The following RAF1 variants were observed in gnomAD, a reference collection of about 807,000 sequenced individuals.
RAF1 encodes RAF proto-oncogene serine/threonine-protein kinase.
In RAF1, 27 loss-of-function variants were observed where a neutral mutation model predicts 81.1. That is an observed-to-expected ratio of 0.33 (90% CI 0.25 to 0.46). The LOEUF (loss-of-function observed/expected upper bound fraction) is 0.46. Ranked by LOEUF, RAF1 falls within the 20% of genes least tolerant of loss-of-function variation. The pLI is 1.00. For missense variants in RAF1, 598 were observed against 826.0 expected (o/e 0.72, Z 3.38); for synonymous variants, 298 against 294.0 (o/e 1.01, Z -0.14).
intron 1 of RAF1, among the ~76,000 whole-genome samples, chr3:12,655,027 T>TA (rs1346524592): frequency 7.1e-6 from 1 of 141,308 alleles, no homozygotes; most frequent in Non-Finnish European, 1.5e-5. Flanking sequence ...TCTAAAATAG[T>TA]AAAAATAATA....
chr3:12,605,686 G>C (rs539328951), intron 6 of RAF1, among the ~76,000 whole-genome samples: 2 of 152,196 alleles, frequency 1.3e-5, no homozygotes, highest in Admixed American at 6.5e-5. Flanking sequence ...CTGGAAAACA[G>C]AGTAAAGAAA....
At chr3:12,586,268 C>G (rs1458306092) in intron 14 of RAF1, among the ~76,000 whole-genome samples, 1 of 152,236 alleles carries the variant, frequency 6.6e-6, no homozygotes, top group South Asian at 2.1e-4. Context: ...AATAGCAAAT[C>G]CCTTACTGAG....
At chr3:12,659,588 A>C (rs1416630019) in intron 1 of RAF1, among the ~76,000 whole-genome samples, 1 of 152,116 alleles carries the variant, frequency 6.6e-6, no homozygotes, top group African/African-American at 2.4e-5. Context: ...CTCATCCTAA[A>C]TAAACCCAGT....
At chr3:12,660,982 C>T (rs2060858905) in intron 1 of RAF1, among the ~76,000 whole-genome samples, 1 of 152,124 alleles carries the variant, frequency 6.6e-6, no homozygotes, top group African/African-American at 2.4e-5. Context: ...GCCTTTAGTA[C>T]AGAAACAGTA....
At chr3:12,636,398 G>T (rs922889993) in intron 1 of RAF1, among the ~76,000 whole-genome samples, 2 of 149,758 alleles carry the variant, frequency 1.3e-5, no homozygotes, top group Non-Finnish European at 1.5e-5. Flanking sequence ...CTTAAGCCCA[G>T]TAGTTCAAGA....
chr3:12,631,504 C>G (rs1021433527), intron 1 of RAF1, among the ~76,000 whole-genome samples: 3 of 152,164 alleles, frequency 2.0e-5, no homozygotes, highest in Non-Finnish European at 4.4e-5. Context: ...AAGGCTGAAG[C>G]AGGAGAATGG....
At chr3:12,628,854 T>C (rs538684767) in intron 1 of RAF1, among the ~76,000 whole-genome samples, 8 of 151,478 alleles carry the variant, frequency 5.3e-5, no homozygotes, top group African/African-American at 1.9e-4. Context: ...CACATTCAAG[T>C]GATCCTCCCC....
At chr3:12,618,426 AT>A in intron 2 of RAF1, 88 bp downstream of exon 2, 1 of 1,355,160 alleles carries the variant, frequency 7.4e-7, no homozygotes. Context: ...GACAATGAAT[AT>A]TTTGCCTGTC....
At chr3:12,635,178 T>C (rs2125510607) in intron 1 of RAF1, among the ~76,000 whole-genome samples, 1 of 151,386 alleles carries the variant, frequency 6.6e-6, no homozygotes, top group South Asian at 2.1e-4. Context: ...ATACAAAAAT[T>C]AGCTGGGCTG....
intron 1 of RAF1, among the ~76,000 whole-genome samples, chr3:12,633,703 A>T (rs921069613): frequency 7.2e-5 from 11 of 151,780 alleles, no homozygotes; most frequent in African/African-American, 2.4e-4. Context: ...TGGGAAGCCG[A>T]GGCGGGCGGA....
intron 11 of RAF1, among the ~76,000 whole-genome samples, chr3:12,595,109 C>T (rs1353900034): frequency 1.3e-5 from 2 of 152,140 alleles, no homozygotes; most frequent in African/African-American, 2.4e-5. Flanking sequence ...GCTCTGTCAC[C>T]GAGGCTGGAG....
intron 11 of RAF1, among the ~76,000 whole-genome samples, chr3:12,594,171 T>C (rs2058615789): frequency 6.6e-6 from 1 of 152,098 alleles, no homozygotes; most frequent in Non-Finnish European, 1.5e-5. Context: ...ACAAGAAGAA[T>C]GGTTGACTGT....
rs2125325520 is a variant in RAF1 at position 12,585,692 on chromosome 3, C to G, written c.1585G>C (p.Val529Leu). The change falls in exon 15 of 18, where the codon GTC (valine) becomes CTC (leucine). Residue 529 changes from valine (V) to leucine (L), a missense_variant. Coordinates refer to ENST00000442415, the MANE Select transcript of RAF1 (RefSeq NM_001354689.3). ...GCCCAGATTCTCACCATCCAGAGGA[C>G]AGAGCCAGTAGGTTGTTCAACCTGC... is the stretch of plus-strand genomic sequence containing the variant. 6.2e-7 allele frequency: 1 copy of G among 1,613,318 alleles called. No homozygotes were observed. The highest frequency in any genetic ancestry group is 8.5e-7 in the Non-Finnish European group (1 of 1,179,224).
At chr3:12,596,874 G>C (rs2125366635) in intron 11 of RAF1, among the ~76,000 whole-genome samples, 1 of 151,860 alleles carries the variant, frequency 6.6e-6, no homozygotes, top group Non-Finnish European at 1.5e-5. Flanking sequence ...TCTGACTTTT[G>C]AGACTTTCTG....
chr3:12,664,068 T>C lies in RAF1; in HGVS notation c.-282A>G, dbSNP rs568323726. ...GAAAGCCGTTCCCGCCTCACAATCG[T>C]TTTCCTCTTACTCCCGCCATCTAAG... is the stretch of plus-strand genomic sequence containing the variant. On this transcript the variant is annotated 5_prime_UTR_variant, in exon 1 of 18. Coordinates refer to ENST00000442415, the MANE Select transcript of RAF1 (RefSeq NM_001354689.3). 31 of 398,222 alleles carry C rather than the reference T, an allele frequency of 7.8e-5. No homozygotes were observed. The East Asian group carries it at 7.9e-4, about 10-fold the overall frequency. The allele number at this position is 398,222 out of a possible 1,614,324, so 24.7% of individuals were successfully genotyped here.
intron 2 of RAF1, 105 bp downstream of exon 2, chr3:12,618,410 C>A (rs2059443303): frequency 2.4e-6 from 3 of 1,235,476 alleles, no homozygotes; most frequent in Non-Finnish European, 3.5e-6. Context: ...AATAAAGACC[C>A]TAAATGACAA....
intron 1 of RAF1, among the ~76,000 whole-genome samples, chr3:12,634,676 A>G (rs1211290470): frequency 6.6e-6 from 1 of 151,874 alleles, no homozygotes; most frequent in Non-Finnish European, 1.5e-5. Flanking sequence ...TTTTTTCTTG[A>G]GAGTGCCAGG....
At chr3:12,663,734 G>A (rs918772148) in intron 1 of RAF1, 79 bp downstream of exon 1, 12 of 394,704 alleles carry the variant, frequency 3.0e-5, no homozygotes, top group Non-Finnish European at 4.5e-5. Flanking sequence ...CGCCACCCAG[G>A]CCCGGTCGCC....
chr3:12,587,493 T>TC, intron 14 of RAF1, 98 bp downstream of exon 13: 2 of 1,130,058 alleles, frequency 1.8e-6, no homozygotes, highest in South Asian at 2.5e-5. Flanking sequence ...TAAAAAGATA[T>TC]CCCCTGGCAC....
Sources: allele counts gnomAD v4.1 joint callset (sites outside exome capture counted in the v4.1 genomes callset), GRCh38; gene constraint gnomAD v4.1.1; transcripts MANE v1.5; gene names NCBI Gene and HGNC (gene_info 2026-07-23, HGNC 2026-07-21).